Variants in MAST3 observed in about 807,000 individuals in gnomAD.
The protein encoded by MAST3 is microtubule associated serine/threonine kinase 3.
In MAST3, 43 loss-of-function variants were observed where a neutral mutation model predicts 127.0. That is an observed-to-expected ratio of 0.34 (90% CI 0.27 to 0.44). The LOEUF (loss-of-function observed/expected upper bound fraction) is 0.44. Among genes scored for constraint, MAST3 ranks in the 20% least tolerant of loss-of-function variants. MAST3 has a pLI of 1.00. For missense variants in MAST3, 1,390 were observed against 1,919.1 expected (o/e 0.72, Z 5.15); for synonymous variants, 785 against 809.2 (o/e 0.97, Z 0.51).
At chr19:18,122,118 G>C (rs373959165) in intron 5 of MAST3, 196 bp downstream of exon 5, 3 of 985,020 alleles carry the variant, frequency 3.0e-6, no homozygotes, top group Non-Finnish European at 3.6e-6. Context: ...CACATCCCAC[G>C]CATGGACAGG....
intron 8 of MAST3, 66 bp from the exon 9 acceptor site, chr19:18,123,873 C>T (rs910831306): frequency 1.4e-6 from 2 of 1,429,680 alleles, no homozygotes; most frequent in Non-Finnish European, 1.9e-6. Context: ...GCCTCTCCTG[C>T]CCCATTCTGC....
chr19:18,109,886 C>A, intron 2 of MAST3: 6 of 950,916 alleles, frequency 6.3e-6, no homozygotes, highest in Non-Finnish European at 7.5e-6. Context: ...TCCCAGAGAG[C>A]CCCAGGGCCG....
chr19:18,132,069 G>T (rs767764720), intron 15 of MAST3, 22 bp downstream of exon 15: 6 of 1,613,176 alleles, frequency 3.7e-6, no homozygotes, highest in Non-Finnish European at 5.1e-6. Flanking sequence ...TAGCATGAGC[G>T]GGGCCTCGCG....
chr19:18,133,375 CTTTAT>C (rs1234947498), intron 15 of MAST3, among the ~76,000 whole-genome samples: 1 of 151,898 alleles, frequency 6.6e-6, no homozygotes, highest in East Asian at 1.9e-4. Context: ...AACACTTTAT[CTTTAT>C]TTATTTATTT....
Position 18,144,934 on chromosome 19 carries a change from G to A in MAST3, c.2813-69G>A. ...GCAAAGTGGCCAGGGTGGTCGTTGT[G>A]GTGGGAAAGAGGGGGCCCCAGGGGA... is the stretch of plus-strand genomic sequence containing the variant. On this transcript the variant is annotated intron_variant, in intron 23 of 27. Transcript: ENST00000687212. The surrounding 1 kb of genome is among the most constrained non-coding windows in gnomAD (Gnocchi z 4.0). The A allele has an allele frequency of 1.1e-6, 1 of 938,146 alleles. No individual in the cohort carries two copies. The highest frequency in any genetic ancestry group is 1.7e-6 in the Non-Finnish European group (1 of 597,198). The allele number at this position is 938,146 out of a possible 1,614,324, so 58.1% of individuals were successfully genotyped here.
intron 11 of MAST3, among the ~76,000 whole-genome samples, chr19:18,125,162 C>T (rs775589329): frequency 1.5e-4 from 23 of 152,026 alleles, no homozygotes; most frequent in Non-Finnish European, 2.9e-4. Flanking sequence ...CAGGCCCATC[C>T]GATTCCAGAA....
chr19:18,140,748 G>A (rs1195927474), intron 20 of MAST3, among the ~76,000 whole-genome samples: 1 of 151,988 alleles, frequency 6.6e-6, no homozygotes. Flanking sequence ...ATGCACATTT[G>A]GGTCTATTCC....
intron 13 of MAST3, 145 bp downstream of exon 13, chr19:18,129,096 A>T (rs2040976633): frequency 4.2e-6 from 3 of 705,946 alleles, no homozygotes; most frequent in Non-Finnish European, 7.3e-6. Flanking sequence ...TGAGGACTGG[A>T]GGGGGAAGTG....
chr19:18,118,280 C>G (rs2039536779), intron 3 of MAST3: 1 of 983,842 alleles, frequency 1.0e-6, no homozygotes, highest in Non-Finnish European at 1.2e-6. Flanking sequence ...CCGGCGAAGG[C>G]TCGGCGGCCA....
At chr19:18,126,531 G>A (rs1250078736) in intron 11 of MAST3, among the ~76,000 whole-genome samples, 1 of 152,192 alleles carries the variant, frequency 6.6e-6, no homozygotes, top group African/African-American at 2.4e-5. Flanking sequence ...CAGCACTGTG[G>A]GAGGCCAAGG....
intron 3 of MAST3, chr19:18,117,937 C>T: frequency 5.6e-6 from 1 of 179,456 alleles, no homozygotes; most frequent in Non-Finnish European, 1.1e-5. Flanking sequence ...CCGCGTCGCT[C>T]GCTCCGCCTC....
At chr19:18,120,478 G>C (rs951777325) in intron 3 of MAST3, among the ~76,000 whole-genome samples, 2 of 152,160 alleles carry the variant, frequency 1.3e-5, no homozygotes, top group African/African-American at 4.8e-5. Flanking sequence ...TCCTCCATCA[G>C]GCTAGAAGCA....
At chr19:18,142,477 G>A (rs1015249959) in intron 21 of MAST3, among the ~76,000 whole-genome samples, 2 of 147,052 alleles carry the variant, frequency 1.4e-5, no homozygotes, top group African/African-American at 2.5e-5. Context: ...TCAGCCTCCC[G>A]AGTAGCTGGG....
chr19:18,128,498 C>A, intron 12 of MAST3, 40 bp downstream of exon 12: 3 of 1,542,630 alleles, frequency 1.9e-6, no homozygotes, highest in East Asian at 2.5e-5. Context: ...TCATCTTGTT[C>A]TTTCCAGAGT....
At chr19:18,100,698 G>T (rs1326034661) in intron 1 of MAST3, among the ~76,000 whole-genome samples, 2 of 152,218 alleles carry the variant, frequency 1.3e-5, no homozygotes, top group Non-Finnish European at 2.9e-5. Context: ...GGAAGCCAGA[G>T]AAATTCTAAC....
intron 3 of MAST3, among the ~76,000 whole-genome samples, chr19:18,113,387 G>A (rs554408411): frequency 5.3e-4 from 80 of 151,972 alleles, no homozygotes; most frequent in African/African-American, 1.8e-3. Flanking sequence ...TGGGTCAAGC[G>A]AGTCTCCTGC....
At chr19:18,098,516 G>A (rs1200335256) in intron 1 of MAST3, among the ~76,000 whole-genome samples, 1 of 152,088 alleles carries the variant, frequency 6.6e-6, no homozygotes, top group African/African-American at 2.4e-5. Context: ...ATGTTTAGGA[G>A]GCTGTGTCAT....
intron 3 of MAST3, 69 bp from the exon 4 acceptor site, chr19:18,121,616 T>C: frequency 7.5e-7 from 1 of 1,327,120 alleles, no homozygotes; most frequent in African/African-American, 1.4e-5. Flanking sequence ...GAGTGTGATT[T>C]AGGCTGGGCA....
At chr19:18,139,163 C>T (rs776781313) in intron 20 of MAST3, 39 bp downstream of exon 20, 14 of 1,384,248 alleles carry the variant, frequency 1.0e-5, no homozygotes, top group Non-Finnish European at 1.3e-5. Flanking sequence ...GCTCAGAAAA[C>T]ATTGCATGAT....
Sources: gnomAD v4.1 joint callset for allele counts (sites outside exome capture counted in the v4.1 genomes callset) on GRCh38, gnomAD v4.1.1 for gene constraint, Gnocchi (gnomAD v3.1) non-coding constraint, MANE v1.5 for transcripts, NCBI Gene and HGNC (gene_info 2026-07-23, HGNC 2026-07-21) for gene names.